Variants in KDM5A observed in about 807,000 individuals in gnomAD.
KDM5A encodes the protein lysine-specific demethylase 5A.
KDM5A carries 42 observed loss-of-function variants against 193.5 expected under a neutral mutation model. The observed-to-expected ratio is 0.22, with a 90% CI of 0.17 to 0.28. The LOEUF (loss-of-function observed/expected upper bound fraction) is 0.28, where lower values mean the gene tolerates loss of function less well. KDM5A is among the 10% of genes least tolerant of loss of function. KDM5A has a pLI of 1.00. For synonymous variants in KDM5A, 796 were observed against 718.1 expected, an observed-to-expected ratio of 1.11 and a Z score of -1.73; for missense variants, 1,692 against 2,055.1, an observed-to-expected ratio of 0.82 and a Z score of 3.42.
intron 5 of KDM5A, among the ~76,000 whole-genome samples, chr12:357,266 C>T (rs746193729): frequency 4.0e-5 from 6 of 150,746 alleles, no homozygotes; most frequent in Non-Finnish European, 7.4e-5. Context: ...GACAGACAAG[C>T]GAGACCCTGA....
rs377271333 is a variant in KDM5A, at chr12:330,085, G to GTGTGTGTGTGTGTATATATATA, written c.1774-1057_1774-1056insTATATATATACACACACACACA. Among the ~76,000 whole-genome samples the GTGTGTGTGTGTGTATATATATA allele has an allele frequency of 3.0e-3, 415 of 139,326 alleles. 2 individuals carry two copies. The highest frequency in any genetic ancestry group is 0.02 in the South Asian group (84 of 4,272). The allele number at this position is 139,326 out of a possible 152,430, so 91.4% of individuals were successfully genotyped here. A position where few individuals can be genotyped will look rare whatever the true frequency, so the allele number is the denominator to read the frequency against. ...TGTGTGTGTGTGTGTGTGTGTGTGT[G>GTGTGTGTGTGTGTATATATATA]TATATATATATATCTTATGATTAGC... is the stretch of plus-strand genomic sequence containing the variant. On this transcript the variant is annotated intron_variant, in intron 13 of 27. Coordinates refer to ENST00000399788, the MANE Select transcript of KDM5A (RefSeq NM_001042603.3).
At position 373,528 on chromosome 12, in the gene KDM5A, C is replaced by T. The variant is rs369052091; in HGVS notation, c.367-7424G>A. ...AATTTTGTTGATCTTTTCAAAAAACCAGCTCCTGGATTCATTGATTTTTTG... is the reference window on the plus strand; with the variant it reads ...AATTTTGTTGATCTTTTCAAAAAACTAGCTCCTGGATTCATTGATTTTTTG... On this transcript the variant is annotated intron_variant, in intron 3 of 27. Coordinates refer to ENST00000399788, the MANE Select transcript of KDM5A (RefSeq NM_001042603.3). Among the ~76,000 whole-genome samples the T allele has an allele frequency of 2.8e-3, 427 of 152,194 alleles. 13 individuals are homozygous for T. In the East Asian group the frequency reaches 0.065, roughly 23 times the overall value.
chr12:305,398 A>G (rs921549558), intron 24 of KDM5A, among the ~76,000 whole-genome samples: 1 of 152,322 alleles, frequency 6.6e-6, no homozygotes, highest in Non-Finnish European at 1.5e-5. Flanking sequence ...CAGCAGAGGA[A>G]TCTACGAGCG....
intron 3 of KDM5A, among the ~76,000 whole-genome samples, chr12:380,260 CCA>C (rs1944558168): frequency 6.9e-6 from 1 of 144,462 alleles, no homozygotes. Flanking sequence ...GACTCCGTCT[CCA>C]AAAAAAAAAA....
chr12:298,508 A>ACAGAAAGGAGTAGTGTCAACATCAG (rs1276111138), intron 24 of KDM5A, among the ~76,000 whole-genome samples: 4 of 152,212 alleles, frequency 2.6e-5, no homozygotes, highest in African/African-American at 9.6e-5. Flanking sequence ...GTCAACATCA[A>ACAGAAAGGAGTAGTGTCAACATCAG]CAAAAAGGAC....
At chr12:356,587 T>C (rs749674097) in intron 5 of KDM5A, 50 bp from the exon 6 acceptor site, 1 of 1,167,340 alleles carries the variant, frequency 8.6e-7, no homozygotes, top group Admixed American at 1.7e-5. Flanking sequence ...GATTCATGCA[T>C]TAATTTTTTT....
At position 365,939 on chromosome 12, in the gene KDM5A, G is replaced by A. The variant is rs1471949394; in HGVS notation, c.532C>T (p.Leu178Phe). Reference sequence around the variant, plus strand: ...AAAAGAATAATGCATCTCACCATAAGGCTCACACCAGACTGGAAAAGCTCA... The same window carrying A: ...AAAAGAATAATGCATCTCACCATAAAGCTCACACCAGACTGGAAAAGCTCA... ...PYELFQSGVS[L>F]MGVQMPNLDL... Residue 178 changes from leucine (L) to phenylalanine (F), a missense_variant, in exon 4 of 28, where the codon CTT becomes TTT. Leu to Phe is a conservative substitution (Grantham distance 22, BLOSUM62 0). Coordinates refer to ENST00000399788, the MANE Select transcript of KDM5A (RefSeq NM_001042603.3). 1 of 1,613,382 alleles carries A rather than the reference G, an allele frequency of 6.2e-7. No homozygotes were observed. Among genetic ancestry groups the A allele is most frequent in the Non-Finnish European group, 8.5e-7 (1 of 1,179,544 alleles).
chr12:380,698 G>C (rs1335940343), intron 3 of KDM5A, among the ~76,000 whole-genome samples: 1 of 151,952 alleles, frequency 6.6e-6, no homozygotes, highest in Non-Finnish European at 1.5e-5. Context: ...ACTCCAGTCT[G>C]GGCAAAAGAG....
At chr12:322,369 T>C (rs1295639052) in intron 17 of KDM5A, 48 bp downstream of exon 17, 1 of 1,594,114 alleles carries the variant, frequency 6.3e-7, no homozygotes, top group East Asian at 2.2e-5. Flanking sequence ...GTTTTTACTC[T>C]GAAAGAAACA....
chr12:368,041 G>A (rs182756635), intron 3 of KDM5A, among the ~76,000 whole-genome samples: 2 of 152,182 alleles, frequency 1.3e-5, no homozygotes, highest in African/African-American at 4.8e-5. Context: ...TTTATCAACA[G>A]ATAAATGAAT....
At chr12:330,085 G>GTGTGTGTGTGTGTATATA (rs377271333) in intron 13 of KDM5A, among the ~76,000 whole-genome samples, 3,469 of 139,172 alleles carry the variant, frequency 0.025, 80 homozygotes, top group African/African-American at 0.046. Context: ...GTGTGTGTGT[G>GTGTGTGTGTGTGTATATA]TATATATATA....
chr12:307,420 T>C lies in KDM5A; in HGVS notation c.3930+34A>G, dbSNP rs1276404198. On this transcript the variant is annotated intron_variant, in intron 23 of 27. Coordinates refer to ENST00000399788, the MANE Select transcript of KDM5A (RefSeq NM_001042603.3). This position sits in a 1 kb window ranked among gnomAD's most constrained non-coding sequence, Gnocchi z 4.3. ...ACTATTTATACACTGACATATCCCA[T>C]GAAATAGAAAAAGAATGTAAATCCT... 4 of 1,598,652 alleles carry C rather than the reference T, an allele frequency of 2.5e-6. No individual in the cohort carries two copies. In the African/African-American group the frequency reaches 4.0e-5, roughly 16 times the overall value.
At chr12:304,825 T>C (rs1943485533) in intron 24 of KDM5A, among the ~76,000 whole-genome samples, 1 of 152,136 alleles carries the variant, frequency 6.6e-6, no homozygotes, top group Non-Finnish European at 1.5e-5. Flanking sequence ...GTTAAGCAAT[T>C]CTAGAAGAGT....
At chr12:375,508 C>A (rs1448081595) in intron 3 of KDM5A, among the ~76,000 whole-genome samples, 1 of 152,192 alleles carries the variant, frequency 6.6e-6, no homozygotes, top group Admixed American at 6.5e-5. Flanking sequence ...AGCTTCTTTG[C>A]GATGGGTTCG....
chr12:359,763 G>A (rs1464064927), intron 5 of KDM5A, among the ~76,000 whole-genome samples: 1 of 145,824 alleles, frequency 6.9e-6, no homozygotes, highest in African/African-American at 2.5e-5. Flanking sequence ...AAGGGTGGGG[G>A]GGAGTGGGAG....
chr12:389,020 C>A lies in KDM5A; in HGVS notation c.72G>T (p.Pro24=), dbSNP rs189132628. 6.2e-7 allele frequency: 1 copy of A among 1,613,394 alleles called. No individual in the cohort carries two copies. Among genetic ancestry groups the A allele is most frequent in the Non-Finnish European group, 8.5e-7 (1 of 1,179,798 alleles). The part of the protein sequence containing the change: ...VPPPECPVFE[P]SWEEFTDPLS... ...GCGGATCTGTGAACTCCTCCCAACT[C>A]GGCTCAAAGACGGGGCACTCTGGCG... The change falls in exon 1 of 28, where the codon CCG becomes CCT. Residue 24 remains proline, a synonymous_variant. Coordinates refer to ENST00000399788, the MANE Select transcript of KDM5A (RefSeq NM_001042603.3).
intron 19 of KDM5A, among the ~76,000 whole-genome samples, chr12:314,677 A>C (rs1223480257): frequency 6.6e-6 from 1 of 152,186 alleles, no homozygotes; most frequent in Non-Finnish European, 1.5e-5. Flanking sequence ...TTTCTGAACA[A>C]GACTTAATCT....
At chr12:305,969 GTTTTTTT>G (rs3038312) in intron 24 of KDM5A, among the ~76,000 whole-genome samples, 1 of 104,216 alleles carries the variant, frequency 9.6e-6, no homozygotes, top group Non-Finnish European at 1.8e-5. Context: ...CAATGGAAGT[GTTTTTTT>G]TTTTTTTTTT....
chr12:296,424 G>C (rs571781429), intron 25 of KDM5A, among the ~76,000 whole-genome samples: 1 of 151,994 alleles, frequency 6.6e-6, no homozygotes, highest in South Asian at 2.1e-4. Context: ...CTCCATTTTA[G>C]AGTATACCAA....
Sources: gnomAD v4.1 joint callset for allele counts (sites outside exome capture counted in the v4.1 genomes callset) on GRCh38, gnomAD v4.1.1 for gene constraint, Gnocchi (gnomAD v3.1) non-coding constraint, MANE v1.5 for transcripts, NCBI Gene and HGNC (gene_info 2026-07-23, HGNC 2026-07-21) for gene names.